The following MYOF variants were observed in gnomAD, a reference collection of about 807,000 sequenced individuals.
MYOF encodes the protein fer-1-like 3, myoferlin.
A neutral mutation model predicts 284.2 loss-of-function variants in MYOF; 244 were observed. The observed-to-expected ratio is 0.86, with a 90% CI of 0.77 to 0.95. The LOEUF is 0.95. Ranked by LOEUF, MYOF falls within the 40% of genes least tolerant of loss-of-function variation. The pLI is 0.00. For missense variants in MYOF, 2,496 were observed against 2,560.6 expected (o/e 0.97, Z 0.54); for synonymous variants, 904 against 919.7 (o/e 0.98, Z 0.31).
intron 5 of MYOF, among the ~76,000 whole-genome samples, chr10:93,418,800 T>C (rs1395465600): frequency 6.6e-6 from 1 of 152,250 alleles, no homozygotes; most frequent in Non-Finnish European, 1.5e-5. Flanking sequence ...GATTTCACTG[T>C]GTCTAAATGT....
intron 31 of MYOF, among the ~76,000 whole-genome samples, chr10:93,354,322 G>C (rs921791428): frequency 3.3e-5 from 5 of 152,148 alleles, no homozygotes; most frequent in Non-Finnish European, 7.3e-5. Context: ...AGGTTTCAGT[G>C]AGCTGAAATC....
intron 1 of MYOF, among the ~76,000 whole-genome samples, chr10:93,472,369 G>T (rs751750796): frequency 7.2e-5 from 11 of 152,188 alleles, no homozygotes; most frequent in Non-Finnish European, 1.2e-4. Flanking sequence ...ATTTCCTCAG[G>T]AAATTAGAAA....
At chr10:93,314,965 C>T (rs768985393) in intron 50 of MYOF, among the ~76,000 whole-genome samples, 6 of 152,192 alleles carry the variant, frequency 3.9e-5, no homozygotes, top group Admixed American at 2.6e-4. Context: ...TTGGGAGGAT[C>T]GCCTGAGCCC....
intron 5 of MYOF, among the ~76,000 whole-genome samples, chr10:93,411,477 G>T (rs147456019): frequency 1.2e-4 from 19 of 152,318 alleles, no homozygotes; most frequent in Non-Finnish European, 2.5e-4. Context: ...CACGTTCAGG[G>T]TTAGGATTTC....
intron 45 of MYOF, 74 bp from the exon 46 acceptor site, chr10:93,326,039 C>CCA (rs1157534726): frequency 6.3e-7 from 1 of 1,582,870 alleles, no homozygotes. Context: ...AGAGCTGCTT[C>CCA]CAGCACTTCA....
chr10:93,409,963 G>T (rs1355425113), intron 5 of MYOF, among the ~76,000 whole-genome samples: 2 of 152,218 alleles, frequency 1.3e-5, no homozygotes. Context: ...TGCTCAGGTT[G>T]CCTTCGAAGA....
At chr10:93,404,713 G>A (rs10509651) in intron 7 of MYOF, among the ~76,000 whole-genome samples, 14,041 of 151,374 alleles carry the variant, frequency 0.093, 936 homozygotes, top group African/African-American at 0.18. Flanking sequence ...CAAAATGAGC[G>A]CTTAGAGCTG....
At position 93,482,226 on chromosome 10, in the gene MYOF, A is replaced by T; in HGVS notation, c.-32T>A. On this transcript the variant is annotated 5_prime_UTR_variant, in exon 1 of 54. Coordinates refer to ENST00000359263, the MANE Select transcript of MYOF (RefSeq NM_013451.4). ...TAGCTGGTAGAAAGCAAGTTTCAGC[A>T]AACGAAGTGGAGACTAGGGCGCTGG... 1 of 1,594,588 alleles carries T rather than the reference A, an allele frequency of 6.3e-7. No homozygotes were observed. The highest frequency in any genetic ancestry group is 8.6e-7 in the Non-Finnish European group (1 of 1,165,932).
rs1260508212 is a variant in MYOF at position 93,329,811 on chromosome 10, A to G, written c.4835T>C (p.Leu1612Ser). 2.5e-6 allele frequency: 4 copies of G among 1,614,076 alleles called. No homozygotes were observed. Among genetic ancestry groups the G allele is most frequent in the South Asian group, 1.1e-5 (1 of 91,078 alleles). The change falls in exon 44 of 54, where the codon TTA (leucine) becomes TCA (serine). Residue 1612 changes from leucine to serine, a missense_variant. Leu to Ser is a moderately radical substitution (Grantham distance 145, BLOSUM62 -2). Around this residue, in one of 3 missense-constraint regions of MYOF, gnomAD observed 2,436 missense variants for 2,480.7 expected, o/e 0.98. Coordinates refer to ENST00000359263, the MANE Select transcript of MYOF (RefSeq NM_013451.4). ...FGRMYELSCY[L>S]PQEKDLKISV... ...AATTTTCAGGTCTTTTTCTTGAGGT[A>G]AGTAGCAGCTCAGTTCGTACATCCT...
At chr10:93,418,546 G>A (rs1008396226) in intron 5 of MYOF, among the ~76,000 whole-genome samples, 2 of 152,118 alleles carry the variant, frequency 1.3e-5, no homozygotes, top group African/African-American at 4.8e-5. Context: ...GCAGTCCTGC[G>A]GGGCAATTGA....
At chr10:93,382,209 G>T (rs1366161239) in intron 19 of MYOF, among the ~76,000 whole-genome samples, 1 of 152,086 alleles carries the variant, frequency 6.6e-6, no homozygotes, top group Admixed American at 6.6e-5. Flanking sequence ...CATTTTTAAT[G>T]ATTTTGAATG....
intron 31 of MYOF, among the ~76,000 whole-genome samples, chr10:93,354,111 A>G (rs976954720): frequency 2.0e-5 from 3 of 152,240 alleles, no homozygotes; most frequent in African/African-American, 7.2e-5. Flanking sequence ...GCAGTGGCTC[A>G]TGCCTGTAAT....
chr10:93,474,040 G>A (rs1451702550), intron 1 of MYOF, among the ~76,000 whole-genome samples: 5 of 152,178 alleles, frequency 3.3e-5, no homozygotes, highest in Non-Finnish European at 5.9e-5. Context: ...GCAGTCTGAT[G>A]TTCCATTTCA....
At chr10:93,336,241 C>A (rs1044986712) in intron 40 of MYOF, among the ~76,000 whole-genome samples, 195 bp from the exon 41 acceptor site, 14 of 152,150 alleles carry the variant, frequency 9.2e-5, no homozygotes, top group Admixed American at 6.5e-4. Flanking sequence ...AAGTAGCCAC[C>A]TATTCTATGA....
chr10:93,448,127 T>C (rs1398139009), intron 3 of MYOF, among the ~76,000 whole-genome samples: 1 of 152,142 alleles, frequency 6.6e-6, no homozygotes, highest in Non-Finnish European at 1.5e-5. Context: ...TTCTCACGTT[T>C]CTCCAGCATC....
chr10:93,432,433 T>C (rs2134223048), intron 3 of MYOF, among the ~76,000 whole-genome samples: 1 of 151,848 alleles, frequency 6.6e-6, no homozygotes, highest in Middle Eastern at 3.4e-3. Context: ...AGCACCCCAC[T>C]ACCCCCCGCC....
At chr10:93,410,573 A>G (rs1430283471) in intron 5 of MYOF, among the ~76,000 whole-genome samples, 1 of 152,110 alleles carries the variant, frequency 6.6e-6, no homozygotes, top group African/African-American at 2.4e-5. Context: ...TTCTCTCCCT[A>G]CAAAACCAAA....
chr10:93,344,849 AT>A (rs34694752), intron 37 of MYOF, among the ~76,000 whole-genome samples: 40,276 of 151,784 alleles, frequency 0.27, 6,747 homozygotes, highest in East Asian at 0.89. Flanking sequence ...TCAACAGCGT[AT>A]GCAGAGGGAG....
At chr10:93,376,438 C>T (rs1293847352) in intron 22 of MYOF, among the ~76,000 whole-genome samples, 1 of 152,094 alleles carries the variant, frequency 6.6e-6, no homozygotes, top group East Asian at 1.9e-4. Flanking sequence ...CCTCTGTTTT[C>T]TCATTTACAA....
Sources: allele counts gnomAD v4.1 joint callset (sites outside exome capture counted in the v4.1 genomes callset), GRCh38; gene constraint gnomAD v4.1.1; regional missense constraint gnomAD v4.1.1; transcripts MANE v1.5; gene names NCBI Gene and HGNC (gene_info 2026-07-23, HGNC 2026-07-21).